Variants in SPOCK1 observed in about 807,000 individuals in gnomAD.
SPOCK1 encodes testican-1.
Under a neutral mutation model 55.3 loss-of-function variants are expected in SPOCK1, and 23 were observed. The observed-to-expected ratio is 0.42, with a 90% CI of 0.30 to 0.59. The LOEUF is 0.59. SPOCK1 is among the 20% of genes least tolerant of loss of function. SPOCK1 has a pLI of 0.22. For missense variants in SPOCK1, 499 were observed against 552.5 expected (o/e 0.90, Z 0.97); for synonymous variants, 226 against 221.0 (o/e 1.02, Z -0.20).
At chr5:137,278,784 G>A (rs375890568) in intron 2 of SPOCK1, among the ~76,000 whole-genome samples, 1 of 152,180 alleles carries the variant, frequency 6.6e-6, no homozygotes, top group East Asian at 1.9e-4. Flanking sequence ...TGACCCCTTG[G>A]ACAGAGAGAT....
At chr5:137,234,200 C>T (rs1026838059) in intron 3 of SPOCK1, among the ~76,000 whole-genome samples, 2 of 152,204 alleles carry the variant, frequency 1.3e-5, no homozygotes, top group Non-Finnish European at 1.5e-5. Context: ...GGCCCCCAGA[C>T]ACTGTGGCCT....
intron 3 of SPOCK1, among the ~76,000 whole-genome samples, chr5:137,260,169 C>T (rs919241614): frequency 6.6e-6 from 1 of 152,160 alleles, no homozygotes; most frequent in Non-Finnish European, 1.5e-5. Context: ...CACATTTTAA[C>T]AGTGGCAGAG....
chr5:137,058,286 T>G (rs1241638206), intron 6 of SPOCK1, among the ~76,000 whole-genome samples: 1 of 152,248 alleles, frequency 6.6e-6, no homozygotes, highest in Non-Finnish European at 1.5e-5. Context: ...CTGTCATCTA[T>G]TATCTGTGTG....
chr5:137,150,273 C>T (rs751755008), intron 3 of SPOCK1, among the ~76,000 whole-genome samples: 6 of 152,170 alleles, frequency 3.9e-5, no homozygotes, highest in Non-Finnish European at 5.9e-5. Flanking sequence ...AGCCACCCTA[C>T]AACAAACAAG....
At chr5:137,067,122 G>T (rs1208398773) in intron 6 of SPOCK1, among the ~76,000 whole-genome samples, 1 of 152,160 alleles carries the variant, frequency 6.6e-6, no homozygotes, top group East Asian at 1.9e-4. Context: ...AAAAGAGGCT[G>T]AGACCAGTGG....
At chr5:137,451,747 C>T (rs761382485) in intron 2 of SPOCK1, among the ~76,000 whole-genome samples, 7 of 152,226 alleles carry the variant, frequency 4.6e-5, no homozygotes, top group Admixed American at 4.6e-4. Context: ...TTGCAGCACA[C>T]TAATTCTGGC....
intron 6 of SPOCK1, among the ~76,000 whole-genome samples, chr5:137,035,623 G>A (rs1751869438): frequency 6.6e-6 from 1 of 152,074 alleles, no homozygotes; most frequent in African/African-American, 2.4e-5. Flanking sequence ...GAGACTCCTT[G>A]GAGAAGAAGC....
At position 137,052,059 on chromosome 5, in the gene SPOCK1, G is replaced by C. The variant is rs1752217035; in HGVS notation, c.589+15656C>G. ...TTCACAGAGGTCTGCTCAAAAGAAAGGGGTGCCCTTCTTTGCTCTTCAATT... is the reference window on the plus strand; with the variant it reads ...TTCACAGAGGTCTGCTCAAAAGAAACGGGTGCCCTTCTTTGCTCTTCAATT... On this transcript the variant is annotated intron_variant, in intron 6 of 10. Transcript: ENST00000394945. Among the ~76,000 whole-genome samples the C allele has an allele frequency of 3.9e-5, 6 of 152,164 alleles. No homozygotes were observed. The South Asian group carries it at 1.2e-3, about 31-fold the overall frequency.
Position 137,031,689 on chromosome 5 carries a change from C to G in SPOCK1, c.589+36026G>C, listed in dbSNP as rs139935027. 7.2e-4 allele frequency among the ~76,000 whole-genome samples: 110 copies of G among 152,246 alleles called. 1 individual carries two copies. Among genetic ancestry groups the G allele is most frequent in the African/African-American group, 2.6e-3 (109 of 41,552 alleles). On this transcript the variant is annotated intron_variant, in intron 6 of 10. Coordinates refer to ENST00000394945, the MANE Select transcript of SPOCK1 (RefSeq NM_004598.4). Reference sequence around the variant, plus strand: ...CAAAACACTCACAGCCTGCACTGTGCAACTAACAGGAATTATCAGACCCTG... The same window carrying G: ...CAAAACACTCACAGCCTGCACTGTGGAACTAACAGGAATTATCAGACCCTG...
chr5:137,425,309 G>A (rs907728648), intron 2 of SPOCK1, among the ~76,000 whole-genome samples: 1 of 152,124 alleles, frequency 6.6e-6, no homozygotes, highest in African/African-American at 2.4e-5. Context: ...TGATCCTGGA[G>A]ACATGAGAGA....
At chr5:137,340,748 G>C (rs1043899847) in intron 2 of SPOCK1, among the ~76,000 whole-genome samples, 3 of 152,132 alleles carry the variant, frequency 2.0e-5, no homozygotes, top group Non-Finnish European at 4.4e-5. Context: ...GGGCGTGGTG[G>C]TGTATGTCTG....
chr5:137,352,139 G>A (rs1750694266), intron 2 of SPOCK1, among the ~76,000 whole-genome samples: 1 of 152,236 alleles, frequency 6.6e-6, no homozygotes, highest in Non-Finnish European at 1.5e-5. Context: ...TTGCCAGCCT[G>A]TTTAGAAGGC....
intron 3 of SPOCK1, among the ~76,000 whole-genome samples, chr5:137,142,204 T>C (rs1754112327): frequency 6.6e-6 from 1 of 152,182 alleles, no homozygotes; most frequent in Non-Finnish European, 1.5e-5. Flanking sequence ...AGAAATGACA[T>C]GGTCAAAAAA....
intron 2 of SPOCK1, among the ~76,000 whole-genome samples, chr5:137,468,802 A>G (rs1049005730): frequency 1.3e-5 from 2 of 152,158 alleles, no homozygotes; most frequent in East Asian, 3.8e-4. Flanking sequence ...AGCAGGCATG[A>G]TCACAGTTAC....
chr5:137,100,954 C>T (rs1370758896), intron 5 of SPOCK1, among the ~76,000 whole-genome samples: 1 of 151,946 alleles, frequency 6.6e-6, no homozygotes, highest in Non-Finnish European at 1.5e-5. Flanking sequence ...ACAATTATGG[C>T]AACAACTCAT....
chr5:137,434,480 CTTTTTTTTTTT>C (rs146762668), intron 2 of SPOCK1, among the ~76,000 whole-genome samples: 6 of 68,188 alleles, frequency 8.8e-5, no homozygotes, highest in African/African-American at 1.8e-4. Context: ...TCTTTTTTTT[CTTTTTTTTTTT>C]TTTTTTTTTT....
intron 3 of SPOCK1, among the ~76,000 whole-genome samples, chr5:137,181,888 T>C (rs1754978060): frequency 6.6e-6 from 1 of 152,202 alleles, no homozygotes. Context: ...CTGCAGGGCA[T>C]GGTAGACAGG....
At chr5:137,448,229 C>A (rs1753170923) in intron 2 of SPOCK1, among the ~76,000 whole-genome samples, 2 of 152,170 alleles carry the variant, frequency 1.3e-5, no homozygotes, top group South Asian at 4.1e-4. Flanking sequence ...GCCTGGGTGA[C>A]AAGAACAAGA....
chr5:137,030,094 T>C (rs1751750387), intron 6 of SPOCK1, among the ~76,000 whole-genome samples: 1 of 152,214 alleles, frequency 6.6e-6, no homozygotes, highest in South Asian at 2.1e-4. Context: ...CACACTGTAT[T>C]ATAAACTCTT....
Sources: allele counts gnomAD v4.1 joint callset (sites outside exome capture counted in the v4.1 genomes callset), GRCh38; gene constraint gnomAD v4.1.1; transcripts MANE v1.5; gene names NCBI Gene and HGNC (gene_info 2026-07-23, HGNC 2026-07-21).